SUMF1: variants seen among roughly 807,000 people sequenced by gnomAD.
The protein encoded by SUMF1 is formylglycine-generating enzyme.
A neutral mutation model predicts 47.6 loss-of-function variants in SUMF1; 48 were observed. That is an observed-to-expected ratio of 1.01 (90% CI 0.80 to 1.28). SUMF1 has a LOEUF of 1.28. SUMF1 is among the 50% of genes most tolerant of loss of function. The probability of loss-of-function intolerance (pLI) is 0.00; values close to 1 mark genes in which losing one functional copy is unlikely to be tolerated. For missense variants in SUMF1, 571 were observed against 485.4 expected, an observed-to-expected ratio of 1.18 and a Z score of -1.66; for synonymous variants, 230 against 192.1, an observed-to-expected ratio of 1.20 and a Z score of -1.63.
chr3:4,215,741 A>G (rs2125168361), intron 8 of SUMF1, among the ~76,000 whole-genome samples: 1 of 152,286 alleles, frequency 6.6e-6, no homozygotes, highest in East Asian at 1.9e-4. Context: ...GCATTCCTAT[A>G]CACCAATAAC....
chr3:4,376,692 G>A (rs192091345), intron 7 of SUMF1, among the ~76,000 whole-genome samples: 3 of 152,308 alleles, frequency 2.0e-5, no homozygotes, highest in Non-Finnish European at 4.4e-5. Flanking sequence ...CTAATAAGCT[G>A]CTTGGCTGCA....
rs148632872 is a variant in SUMF1 at position 4,268,462 on chromosome 3, C to T, written c.1014+107868G>A. ...AAAAGAAAAAATAATAATAAAACCC[C>T]GCAATTTGCTTTTACATAGTAAAAT... On this transcript the variant is annotated intron_variant and NMD_transcript_variant, in intron 8 of 12. Coordinates refer to the SUMF1 transcript ENST00000448413. 3.5e-3 allele frequency among the ~76,000 whole-genome samples: 525 copies of T among 150,210 alleles called. 15 individuals carry two copies. Among genetic ancestry groups the T allele is most frequent in the East Asian group, 0.035 (179 of 5,130 alleles).
At chr3:4,381,397 G>A (rs192318176) in intron 7 of SUMF1, among the ~76,000 whole-genome samples, 8 of 152,206 alleles carry the variant, frequency 5.3e-5, no homozygotes, top group East Asian at 1.9e-4. Flanking sequence ...TGCACTGCTC[G>A]GGTGGGGGTG....
chr3:4,231,307 G>A (rs867958052), intron 8 of SUMF1, among the ~76,000 whole-genome samples: 12 of 152,100 alleles, frequency 7.9e-5, no homozygotes, highest in Admixed American at 5.9e-4. Flanking sequence ...AATGAAATGA[G>A]ATCATTGTAC....
chr3:4,236,925 G>A (rs1605702), intron 8 of SUMF1, among the ~76,000 whole-genome samples: 3,787 of 152,156 alleles, frequency 0.025, 156 homozygotes, highest in African/African-American at 0.087. Flanking sequence ...ACCCCTGTCA[G>A]TCACTGATCT....
intron 7 of SUMF1, among the ~76,000 whole-genome samples, chr3:4,386,439 T>C (rs950764186): frequency 4.6e-5 from 7 of 152,272 alleles, no homozygotes; most frequent in African/African-American, 1.7e-4. Context: ...AATAAACATG[T>C]TCATCTTGTG....
rs56662447 is a variant in SUMF1 at position 4,452,849 on chromosome 3, T to C, written c.444+27A>G. On this transcript the variant is annotated intron_variant, in intron 2 of 8. Transcript: ENST00000272902. ...TTAAAAGTTCTGGAAAAGAACAAGT[T>C]CTCCCTCCTTTCCCCAATCCCATTA... 2,248 of 1,613,850 alleles carry C rather than the reference T, an allele frequency of 1.4e-3. 38 individuals are homozygous for C. In the African/African-American group the frequency reaches 0.027, roughly 19 times the overall value.
At chr3:4,307,404 C>T (rs529759556) in intron 8 of SUMF1, among the ~76,000 whole-genome samples, 16 of 152,108 alleles carry the variant, frequency 1.1e-4, no homozygotes, top group African/African-American at 3.6e-4. Context: ...AGACACGTAT[C>T]TGTTAGAAAG....
At chr3:4,221,333 A>T (rs1190465211) in intron 8 of SUMF1, among the ~76,000 whole-genome samples, 1 of 152,046 alleles carries the variant, frequency 6.6e-6, no homozygotes, top group East Asian at 1.9e-4. Flanking sequence ...GTTGCCATGA[A>T]TCTTAACAGT....
At chr3:4,232,333 G>A (rs1000302080) in intron 8 of SUMF1, among the ~76,000 whole-genome samples, 15 of 152,044 alleles carry the variant, frequency 9.9e-5, no homozygotes, top group Non-Finnish European at 1.3e-4. Context: ...GCTGTTCCCC[G>A]CGATGAATAA....
intron 3 of SUMF1, among the ~76,000 whole-genome samples, chr3:4,431,145 T>C (rs1277610574): frequency 6.6e-6 from 1 of 152,108 alleles, no homozygotes; most frequent in African/African-American, 2.4e-5. Context: ...GGCAGACAAA[T>C]GCCTAGGCAA....
chr3:4,420,916 A>G (rs966914164), intron 3 of SUMF1, among the ~76,000 whole-genome samples: 2 of 152,116 alleles, frequency 1.3e-5, no homozygotes, highest in Admixed American at 1.3e-4. Context: ...TTCCAACCCA[A>G]CATTAGCTGG....
intron 8 of SUMF1, among the ~76,000 whole-genome samples, chr3:4,171,514 A>C (rs767155005): frequency 2.0e-5 from 3 of 152,218 alleles, no homozygotes; most frequent in Non-Finnish European, 4.4e-5. Context: ...CAATTATGTC[A>C]AAAATAAATT....
intron 8 of SUMF1, chr3:4,316,931 A>C: frequency 6.5e-7 from 1 of 1,549,386 alleles, no homozygotes; most frequent in Non-Finnish European, 8.7e-7. Flanking sequence ...TGGTCAACAG[A>C]AAGGGCCCAA....
intron 8 of SUMF1, among the ~76,000 whole-genome samples, chr3:4,109,151 C>T (rs1285423747): frequency 6.6e-6 from 1 of 152,044 alleles, no homozygotes; most frequent in Non-Finnish European, 1.5e-5. Flanking sequence ...ATTTGCTTGT[C>T]TGTAAAGGAT....
At chr3:4,226,646 T>C (rs564301688) in intron 8 of SUMF1, among the ~76,000 whole-genome samples, 6 of 152,174 alleles carry the variant, frequency 3.9e-5, no homozygotes, top group South Asian at 2.1e-4. Flanking sequence ...AATATATTCA[T>C]TTCCATATTT....
chr3:4,183,454 T>C (rs1404226481), intron 8 of SUMF1, among the ~76,000 whole-genome samples: 1 of 152,176 alleles, frequency 6.6e-6, no homozygotes, highest in Non-Finnish European at 1.5e-5. Context: ...ACTGAATTTG[T>C]AATGTAAACA....
chr3:4,367,871 G>A (rs7430187), intron 8 of SUMF1, among the ~76,000 whole-genome samples: 129,759 of 151,046 alleles, frequency 0.86, 56,817 homozygotes, highest in Non-Finnish European at 0.95. Flanking sequence ...TAGACCTAAA[G>A]CCATAAAAAC....
At chr3:4,121,608 T>C (rs1299356902) in intron 8 of SUMF1, among the ~76,000 whole-genome samples, 2 of 152,130 alleles carry the variant, frequency 1.3e-5, no homozygotes, top group African/African-American at 4.8e-5. Context: ...GTTAAACATA[T>C]AGTTACCATT....
Sources: allele counts gnomAD v4.1 joint callset (sites outside exome capture counted in the v4.1 genomes callset), GRCh38; gene constraint gnomAD v4.1.1; transcripts MANE v1.5; gene names NCBI Gene and HGNC (gene_info 2026-07-23, HGNC 2026-07-21).